PPP1R21: variants seen among roughly 807,000 people sequenced by gnomAD.
PPP1R21 encodes the protein protein phosphatase 1 regulatory subunit 21.
PPP1R21 carries 85 observed loss-of-function variants against 112.8 expected under a neutral mutation model. The ratio of observed to expected loss-of-function variants is 0.75; its 90% CI spans 0.63 to 0.90. The LOEUF is 0.90. Among genes scored for constraint, PPP1R21 ranks in the 40% least tolerant of loss-of-function variants. PPP1R21 has a pLI of 0.00. For missense variants in PPP1R21, 1,199 were observed against 901.5 expected (o/e 1.33, Z -4.23); for synonymous variants, 381 against 322.3 (o/e 1.18, Z -1.95).
chr2:48,478,585 C>T (rs1668862761), intron 12 of PPP1R21, among the ~76,000 whole-genome samples: 1 of 152,138 alleles, frequency 6.6e-6, no homozygotes, highest in African/African-American at 2.4e-5. Context: ...ATTGTCTATT[C>T]AGAGAATCAA....
In PPP1R21 at chr2:48,514,910, T is replaced by C. The variant is rs1266447595; in HGVS notation, c.*166T>C. 5 of 615,114 alleles carry C rather than the reference T, an allele frequency of 8.1e-6. No individual in the cohort carries two copies. The highest frequency in any genetic ancestry group is 1.1e-5 in the Non-Finnish European group (4 of 354,762). 38.1% of individuals were successfully genotyped at this position (615,114 alleles called of 1,614,324 possible). The stretch of plus-strand genomic sequence containing the variant: ...ACGGCCTTGAAATATTTAAAACATA[T>C]TTGTAACCAGTGAGGCAAATACAGA... On this transcript the variant is annotated 3_prime_UTR_variant, in exon 22 of 22. Transcript: ENST00000294952.
At chr2:48,501,269 G>T (rs190863425) in intron 17 of PPP1R21, among the ~76,000 whole-genome samples, 1 of 152,256 alleles carries the variant, frequency 6.6e-6, no homozygotes, top group East Asian at 1.9e-4. Context: ...CTCAAATGAT[G>T]GGGTCAGACT....
intron 3 of PPP1R21, chr2:48,457,882 A>C: frequency 2.4e-6 from 1 of 414,432 alleles, no homozygotes; most frequent in South Asian, 2.1e-5. Context: ...TGCAAAGAAT[A>C]GTAAGCCTTA....
intron 13 of PPP1R21, among the ~76,000 whole-genome samples, chr2:48,483,959 A>T (rs975556859): frequency 6.6e-6 from 1 of 152,050 alleles, no homozygotes; most frequent in African/African-American, 2.4e-5. Flanking sequence ...AAGTGCTGGG[A>T]TTACATGCAT....
chr2:48,457,951 A>G (rs1211156157), intron 3 of PPP1R21, 175 bp from the exon 4 acceptor site: 1 of 578,018 alleles, frequency 1.7e-6, no homozygotes, highest in East Asian at 3.8e-5. Context: ...TTGCAGTTTC[A>G]ACTTGTGTCA....
chr2:48,453,766 T>G (rs1667588424), intron 2 of PPP1R21, among the ~76,000 whole-genome samples: 1 of 152,232 alleles, frequency 6.6e-6, no homozygotes, highest in African/African-American at 2.4e-5. Flanking sequence ...TAGGACAGCA[T>G]ATGAAAATAT....
At chr2:48,451,739 A>G (rs1397338986) in intron 2 of PPP1R21, among the ~76,000 whole-genome samples, 1 of 152,108 alleles carries the variant, frequency 6.6e-6, no homozygotes, top group Non-Finnish European at 1.5e-5. Context: ...TCAGTTAAAT[A>G]TACTGTCTAG....
At chr2:48,496,252 G>A (rs1487440728) in intron 16 of PPP1R21, among the ~76,000 whole-genome samples, 1 of 152,096 alleles carries the variant, frequency 6.6e-6, no homozygotes, top group Non-Finnish European at 1.5e-5. Context: ...CACAGTTGGT[G>A]GCTGGTAACT....
intron 1 of PPP1R21, among the ~76,000 whole-genome samples, chr2:48,449,434 A>C (rs1667384407): frequency 6.6e-6 from 1 of 152,194 alleles, no homozygotes; most frequent in South Asian, 2.1e-4. Context: ...TATATTGTCT[A>C]ATAAATGGCA....
intron 1 of PPP1R21, among the ~76,000 whole-genome samples, chr2:48,446,998 G>T (rs980724479): frequency 6.6e-6 from 1 of 152,118 alleles, no homozygotes; most frequent in Admixed American, 6.5e-5. Flanking sequence ...TGATCTGCCC[G>T]CCTCAGCCTC....
intron 7 of PPP1R21, among the ~76,000 whole-genome samples, chr2:48,461,933 G>GA (rs994980288): frequency 1.3e-5 from 2 of 150,352 alleles, no homozygotes; most frequent in South Asian, 2.1e-4. Context: ...AAAAGAGGAA[G>GA]AAAAAAAAAG....
intron 14 of PPP1R21, 146 bp downstream of exon 14, chr2:48,486,904 T>A (rs1462695014): frequency 1.2e-5 from 10 of 811,866 alleles, no homozygotes; most frequent in Non-Finnish European, 1.9e-5. Context: ...CTCTGCTTCC[T>A]ACCCAGTATG....
chr2:48,508,706 C>T (rs1452812352), intron 19 of PPP1R21, among the ~76,000 whole-genome samples: 3 of 152,150 alleles, frequency 2.0e-5, no homozygotes, highest in Admixed American at 2.0e-4. Flanking sequence ...CTATATTCCT[C>T]TTTGTCAGGT....
chr2:48,448,506 T>A (rs557663959), intron 1 of PPP1R21, among the ~76,000 whole-genome samples: 4 of 147,728 alleles, frequency 2.7e-5, no homozygotes, highest in Admixed American at 6.8e-5. Flanking sequence ...GTCCTTGAAG[T>A]AGTCGTTAGG....
intron 1 of PPP1R21, among the ~76,000 whole-genome samples, chr2:48,447,517 A>T (rs1489774406): frequency 6.6e-6 from 1 of 152,180 alleles, no homozygotes; most frequent in Non-Finnish European, 1.5e-5. Flanking sequence ...GTTATGTCAT[A>T]TGCATTGGTG....
intron 15 of PPP1R21, among the ~76,000 whole-genome samples, chr2:48,494,596 A>G (rs1489643253): frequency 1.3e-5 from 2 of 151,816 alleles, no homozygotes; most frequent in African/African-American, 2.4e-5. Context: ...TTGTATTTTT[A>G]GTAGAAACGG....
chr2:48,471,038 TTTG>T, intron 9 of PPP1R21, 46 bp from the exon 10 acceptor site: 1 of 1,276,998 alleles, frequency 7.8e-7, no homozygotes, highest in Non-Finnish European at 1.1e-6. Context: ...TGTGTTGATG[TTTG>T]TTATTTTCCA....
intron 14 of PPP1R21, 41 bp from the exon 15 acceptor site, chr2:48,490,977 G>A (rs760123766): frequency 1.3e-6 from 2 of 1,571,316 alleles, no homozygotes; most frequent in South Asian, 1.1e-5. Flanking sequence ...TAGATATATT[G>A]TTGGAAAACA....
intron 21 of PPP1R21, among the ~76,000 whole-genome samples, chr2:48,512,777 A>G (rs995197212): frequency 2.0e-5 from 3 of 152,144 alleles, no homozygotes; most frequent in African/African-American, 7.2e-5. Flanking sequence ...ATGGTTCTCC[A>G]GTTACTTGTG....
Sources: gnomAD v4.1 joint callset for allele counts (sites outside exome capture counted in the v4.1 genomes callset) on GRCh38, gnomAD v4.1.1 for gene constraint, MANE v1.5 for transcripts, NCBI Gene and HGNC (gene_info 2026-07-23, HGNC 2026-07-21) for gene names.